GALNT13: variants seen among roughly 807,000 people sequenced by gnomAD.
GALNT13 encodes the protein UDP-GalNAc:polypeptide N-acetylgalactosaminyltransferase 13.
Under a neutral mutation model 64.2 loss-of-function variants are expected in GALNT13, and 28 were observed. The ratio of observed to expected loss-of-function variants is 0.44; its 90% confidence interval spans 0.32 to 0.60. The LOEUF (loss-of-function observed/expected upper bound fraction) is 0.60, where lower values mean the gene tolerates loss of function less well. Among genes scored for constraint, GALNT13 ranks in the 20% least tolerant of loss-of-function variants. The probability of loss-of-function intolerance (pLI) is 0.05; values close to 1 mark genes in which losing one functional copy is unlikely to be tolerated. For synonymous variants in GALNT13, 214 were observed against 224.6 expected (o/e 0.95, Z 0.42); for missense variants, 577 against 669.8 (o/e 0.86, Z 1.53).
At chr2:154,122,307 A>G (rs968705419) in intron 3 of GALNT13, among the ~76,000 whole-genome samples, 2 of 152,000 alleles carry the variant, frequency 1.3e-5, no homozygotes, top group Admixed American at 1.3e-4. Context: ...TTTTATTCAA[A>G]TTGGGTTTAG....
At chr2:153,284,880 AG>A in the GALNT13 span, among the ~76,000 whole-genome samples, 1 of 152,160 alleles carries the variant, frequency 6.6e-6, no homozygotes, top group African/African-American at 2.4e-5. Context: ...TGGGCAAAAA[AG>A]GGTCCACTGT....
At chr2:153,914,875 T>C (rs1261682711) in intron 2 of GALNT13, among the ~76,000 whole-genome samples, 1 of 152,144 alleles carries the variant, frequency 6.6e-6, no homozygotes, top group Non-Finnish European at 1.5e-5. Context: ...CAGTGGTAAA[T>C]TGCTGTTGCA....
At chr2:153,627,415 G>A in the GALNT13 span, among the ~76,000 whole-genome samples, 4 of 152,046 alleles carry the variant, frequency 2.6e-5, no homozygotes, top group African/African-American at 9.7e-5. Flanking sequence ...TCTTGGGTTT[G>A]TAAACTGCTT....
chr2:153,135,373 C>G, the GALNT13 span, among the ~76,000 whole-genome samples: 3 of 152,100 alleles, frequency 2.0e-5, no homozygotes, highest in Non-Finnish European at 4.4e-5. Flanking sequence ...CTGCGAATGA[C>G]CAGGAATAAC....
At chr2:153,445,550 G>A in the GALNT13 span, among the ~76,000 whole-genome samples, 3 of 151,982 alleles carry the variant, frequency 2.0e-5, no homozygotes, top group Non-Finnish European at 4.4e-5. Flanking sequence ...GTAATTTTTT[G>A]TGTTTTTAGT....
the GALNT13 span, among the ~76,000 whole-genome samples, chr2:153,084,081 G>A: frequency 1.3e-5 from 2 of 152,134 alleles, no homozygotes; most frequent in Non-Finnish European, 2.9e-5. Flanking sequence ...TCTCTATTCT[G>A]TTCCATTGGT....
the GALNT13 span, among the ~76,000 whole-genome samples, chr2:153,795,707 A>G: frequency 1.3e-5 from 2 of 152,322 alleles, no homozygotes; most frequent in Admixed American, 1.3e-4. Flanking sequence ...ATGGAAATCC[A>G]CTGTTGAAAA....
chr2:153,940,969 A>G (rs1187032361), intron 2 of GALNT13, among the ~76,000 whole-genome samples: 4 of 152,230 alleles, frequency 2.6e-5, no homozygotes, highest in Non-Finnish European at 4.4e-5. Flanking sequence ...ATAAAAAACC[A>G]AAGCAAAAAC....
In GALNT13 at chr2:154,264,698, T is replaced by G. The variant is rs539040193; in HGVS notation, c.975+5560T>G. Reference sequence around the variant, plus strand: ...CAAGTAAAATTACCACTATTTGGAATGTAATGAAAATGAAAACATAGCACA... The same window carrying G: ...CAAGTAAAATTACCACTATTTGGAAGGTAATGAAAATGAAAACATAGCACA... On this transcript the variant is annotated intron_variant, in intron 8 of 12. Coordinates refer to ENST00000392825, the MANE Select transcript of GALNT13 (RefSeq NM_052917.4). Among the ~76,000 whole-genome samples the G allele has an allele frequency of 2.0e-5, 3 of 150,954 alleles. No homozygotes were observed. The East Asian group carries it at 5.9e-4, about 29-fold the overall frequency.
At chr2:153,200,848 A>G in the GALNT13 span, among the ~76,000 whole-genome samples, 6 of 152,194 alleles carry the variant, frequency 3.9e-5, no homozygotes, top group Non-Finnish European at 7.3e-5. Flanking sequence ...ATGTCCTTCT[A>G]TAGGAAAGTC....
At chr2:153,498,365 G>A in the GALNT13 span, among the ~76,000 whole-genome samples, 1 of 152,224 alleles carries the variant, frequency 6.6e-6, no homozygotes, top group African/African-American at 2.4e-5. Flanking sequence ...TTCCGCCCTT[G>A]AAGGCTGGCA....
chr2:154,033,251 T>G (rs886331157), intron 3 of GALNT13, among the ~76,000 whole-genome samples: 3 of 152,116 alleles, frequency 2.0e-5, no homozygotes, highest in South Asian at 2.1e-4. Context: ...TATTTGTAAC[T>G]TGGAGTTCAA....
intron 3 of GALNT13, among the ~76,000 whole-genome samples, chr2:153,977,441 G>A (rs1430429730): frequency 1.3e-5 from 2 of 152,042 alleles, no homozygotes; most frequent in Admixed American, 1.3e-4. Context: ...CAGCAGGAAG[G>A]GGTGGTGCTC....
the GALNT13 span, among the ~76,000 whole-genome samples, chr2:153,646,452 CTT>C: frequency 4.4e-5 from 6 of 137,848 alleles, no homozygotes; most frequent in African/African-American, 1.5e-4. Context: ...TCTTTTTTTT[CTT>C]TTATATATAT....
the GALNT13 span, among the ~76,000 whole-genome samples, chr2:153,416,555 A>G: frequency 6.6e-6 from 1 of 152,212 alleles, no homozygotes. Context: ...AAGGCATTCA[A>G]CTTTTGTCTA....
At chr2:154,392,999 T>G (rs1698867947) in intron 9 of GALNT13, among the ~76,000 whole-genome samples, 1 of 152,148 alleles carries the variant, frequency 6.6e-6, no homozygotes, top group Admixed American at 6.5e-5. Flanking sequence ...TGTTTTTCCT[T>G]GAGAAAATCA....
At chr2:154,077,578 G>A (rs912949458) in intron 3 of GALNT13, among the ~76,000 whole-genome samples, 5 of 151,480 alleles carry the variant, frequency 3.3e-5, no homozygotes, top group African/African-American at 1.2e-4. Flanking sequence ...TTGAATGGTT[G>A]TAAGGGATTG....
the GALNT13 span, among the ~76,000 whole-genome samples, chr2:153,314,773 G>A: frequency 6.6e-6 from 1 of 150,852 alleles, no homozygotes; most frequent in East Asian, 2.0e-4. Flanking sequence ...AGCAACAAAA[G>A]CAGTGCTTAG....
the GALNT13 span, among the ~76,000 whole-genome samples, chr2:153,765,096 A>G: frequency 2.0e-5 from 3 of 152,352 alleles, no homozygotes; most frequent in African/African-American, 7.2e-5. Flanking sequence ...GCAGTGCAGA[A>G]GGGAAAGTGG....
Sources: gnomAD v4.1 joint callset for allele counts (sites outside exome capture counted in the v4.1 genomes callset) on GRCh38, gnomAD v4.1.1 for gene constraint, MANE v1.5 for transcripts, NCBI Gene and HGNC (gene_info 2026-07-23, HGNC 2026-07-21) for gene names.